Variants in CNTNAP5 observed in about 807,000 individuals in gnomAD.
The protein encoded by CNTNAP5 is contactin associated protein family member 5, also known as contactin-associated protein-like 5.
In CNTNAP5, 72 loss-of-function variants were observed where a neutral mutation model predicts 150.2. That is an observed-to-expected ratio of 0.48 (90% confidence interval 0.40 to 0.58). CNTNAP5 has a LOEUF of 0.58. CNTNAP5 is among the 20% of genes least tolerant of loss of function. The pLI is 0.00. For missense variants in CNTNAP5, 1,636 were observed against 1,626.2 expected (o/e 1.01, Z -0.10); for synonymous variants, 672 against 619.8 (o/e 1.08, Z -1.25).
intron 3 of CNTNAP5, among the ~76,000 whole-genome samples, chr2:124,323,212 G>T (rs1558850562): frequency 6.6e-6 from 1 of 152,164 alleles, no homozygotes; most frequent in South Asian, 2.1e-4. Flanking sequence ...GGAGGAATTT[G>T]ATCAGGTGAC....
intron 3 of CNTNAP5, among the ~76,000 whole-genome samples, chr2:124,416,101 G>A (rs375240797): frequency 2.0e-5 from 3 of 152,162 alleles, no homozygotes; most frequent in Non-Finnish European, 2.9e-5. Flanking sequence ...ATTTCAGGGA[G>A]GGGATTGAAG....
chr2:124,124,123 G>A (rs1324349500), intron 1 of CNTNAP5, among the ~76,000 whole-genome samples: 2 of 152,170 alleles, frequency 1.3e-5, no homozygotes, highest in Admixed American at 6.5e-5. Context: ...TGAGCTAAAG[G>A]AAGGTGTTCG....
chr2:124,110,383 G>T (rs1683267691), intron 1 of CNTNAP5, among the ~76,000 whole-genome samples: 1 of 152,098 alleles, frequency 6.6e-6, no homozygotes, highest in South Asian at 2.1e-4. Context: ...TTGGCTGTTT[G>T]GCCCTGGAAG....
intron 6 of CNTNAP5, among the ~76,000 whole-genome samples, chr2:124,461,639 G>T (rs575103325): frequency 6.6e-6 from 1 of 151,506 alleles, no homozygotes; most frequent in Non-Finnish European, 1.5e-5. Context: ...TAACTAACCT[G>T]CACATTGTGC....
At chr2:124,273,420 C>T (rs566235390) in intron 3 of CNTNAP5, among the ~76,000 whole-genome samples, 8 of 152,180 alleles carry the variant, frequency 5.3e-5, no homozygotes, top group Non-Finnish European at 1.0e-4. Flanking sequence ...TATCTGCTCT[C>T]GTCCTCATTT....
At chr2:124,420,325 G>A (rs1392986073) in intron 4 of CNTNAP5, among the ~76,000 whole-genome samples, 1 of 151,936 alleles carries the variant, frequency 6.6e-6, no homozygotes, top group Non-Finnish European at 1.5e-5. Context: ...AAATCTTACT[G>A]TAAGCACCAC....
rs79687810 is a variant in CNTNAP5 at position 124,170,610 on chromosome 2, C to T, written c.83-51095C>T. Among the ~76,000 whole-genome samples, 1,014 of 152,210 alleles carry T rather than the reference C, an allele frequency of 6.7e-3. 3 individuals carry two copies. The highest frequency in any genetic ancestry group is 0.012 in the South Asian group (57 of 4,816). ...AAGGAGTGCCCTGGGTAAGCTACCA[C>T]GGTGGTGAGGTGCATTTGGGTAAGT... is the stretch of plus-strand genomic sequence containing the variant. On this transcript the variant is annotated intron_variant, in intron 1 of 23. Transcript: ENST00000682447.
At chr2:124,068,314 G>A (rs1418570022) in intron 1 of CNTNAP5, among the ~76,000 whole-genome samples, 1 of 152,120 alleles carries the variant, frequency 6.6e-6, no homozygotes, top group East Asian at 1.9e-4. Context: ...GGTGGACTTT[G>A]CATTGAACTC....
intron 13 of CNTNAP5, among the ~76,000 whole-genome samples, chr2:124,727,669 C>T (rs186065580): frequency 8.5e-5 from 13 of 152,066 alleles, no homozygotes; most frequent in Admixed American, 3.3e-4. Context: ...ATTTCATTTT[C>T]TGCAACTTTA....
chr2:124,331,303 A>T (rs1415523256), intron 3 of CNTNAP5, among the ~76,000 whole-genome samples: 2 of 152,126 alleles, frequency 1.3e-5, no homozygotes, highest in Non-Finnish European at 1.5e-5. Flanking sequence ...GTAGCCGACA[A>T]TAATTTAATA....
intron 10 of CNTNAP5, among the ~76,000 whole-genome samples, chr2:124,534,079 T>C (rs1052257858): frequency 4.6e-5 from 7 of 152,126 alleles, no homozygotes; most frequent in African/African-American, 1.7e-4. Flanking sequence ...GAGATAAATA[T>C]TGAATGTTTT....
chr2:124,830,639 G>T (rs921159115), intron 19 of CNTNAP5, among the ~76,000 whole-genome samples: 2 of 151,908 alleles, frequency 1.3e-5, no homozygotes, highest in Non-Finnish European at 2.9e-5. Context: ...AAATTTCCTG[G>T]TTACATTGAA....
chr2:124,895,730 A>C (rs1457555149), intron 21 of CNTNAP5, among the ~76,000 whole-genome samples: 1 of 151,686 alleles, frequency 6.6e-6, no homozygotes, highest in African/African-American at 2.4e-5. Flanking sequence ...ATAACCACAC[A>C]CATGGACACA....
intron 16 of CNTNAP5, among the ~76,000 whole-genome samples, chr2:124,768,048 G>A (rs1034481037): frequency 7.2e-5 from 11 of 152,198 alleles, no homozygotes; most frequent in African/African-American, 2.7e-4. Context: ...ACACCAGAGA[G>A]TGGGCTAGCT....
At chr2:124,224,856 G>T (rs1686417430) in intron 2 of CNTNAP5, among the ~76,000 whole-genome samples, 1 of 152,020 alleles carries the variant, frequency 6.6e-6, no homozygotes, top group Non-Finnish European at 1.5e-5. Flanking sequence ...ATAAAATACT[G>T]ATTTATTTGC....
At chr2:124,891,003 A>T (rs187290213) in intron 21 of CNTNAP5, among the ~76,000 whole-genome samples, 209 of 152,238 alleles carry the variant, frequency 1.4e-3, no homozygotes, top group African/African-American at 4.8e-3. Context: ...TCACAAAAAA[A>T]GTATGTGGTA....
chr2:124,400,677 T>TG (rs1558884150), intron 3 of CNTNAP5, among the ~76,000 whole-genome samples: 108 of 90,716 alleles, frequency 1.2e-3, no homozygotes, highest in Middle Eastern at 6.0e-3. Flanking sequence ...TTGTTTTTTT[T>TG]TTTTTTTTTT....
At chr2:124,240,040 A>G (rs1686847083) in intron 2 of CNTNAP5, among the ~76,000 whole-genome samples, 1 of 152,078 alleles carries the variant, frequency 6.6e-6, no homozygotes, top group African/African-American at 2.4e-5. Flanking sequence ...AAATAGCTGG[A>G]TTTACCCTAT....
intron 1 of CNTNAP5, among the ~76,000 whole-genome samples, chr2:124,179,252 C>A (rs577499491): frequency 6.6e-6 from 1 of 152,178 alleles, no homozygotes; most frequent in East Asian, 1.9e-4. Context: ...TTCTGCCTCC[C>A]AGGTTCAAGC....
Sources: gnomAD v4.1 joint callset for allele counts (sites outside exome capture counted in the v4.1 genomes callset) on GRCh38, gnomAD v4.1.1 for gene constraint, MANE v1.5 for transcripts, NCBI Gene and HGNC (gene_info 2026-07-23, HGNC 2026-07-21) for gene names.